SYT13: variants seen among roughly 807,000 people sequenced by gnomAD.
The protein encoded by SYT13 is synaptotagmin-13.
A neutral mutation model predicts 38.6 loss-of-function variants in SYT13; 21 were observed. The ratio of observed to expected loss-of-function variants is 0.54; its 90% CI spans 0.39 to 0.78. The LOEUF (loss-of-function observed/expected upper bound fraction) is 0.78, where lower values mean the gene tolerates loss of function less well. Ranked by LOEUF, SYT13 falls within the 30% of genes least tolerant of loss-of-function variation. The probability of loss-of-function intolerance (pLI) is 0.00; values close to 1 mark genes in which losing one functional copy is unlikely to be tolerated. For synonymous variants in SYT13, 241 were observed against 237.6 expected (o/e 1.01, Z -0.13); for missense variants, 495 against 548.7 (o/e 0.90, Z 0.98).
chr11:45,271,856 C>A (rs996730649), intron 1 of SYT13, among the ~76,000 whole-genome samples: 1 of 152,142 alleles, frequency 6.6e-6, no homozygotes, highest in African/African-American at 2.4e-5. Flanking sequence ...TCAACTATAA[C>A]TTCTCAGGCT....
chr11:45,263,872 T>G (rs1854849261), intron 1 of SYT13, among the ~76,000 whole-genome samples: 1 of 152,152 alleles, frequency 6.6e-6, no homozygotes, highest in Admixed American at 6.5e-5. Flanking sequence ...ATCTGTAAAA[T>G]GGGGATGCTA....
intron 1 of SYT13, among the ~76,000 whole-genome samples, chr11:45,266,064 G>T (rs1177704351): frequency 6.6e-6 from 1 of 152,076 alleles, no homozygotes; most frequent in Non-Finnish European, 1.5e-5. Context: ...AATAAAAATA[G>T]AGAGAGAGAT....
At chr11:45,266,380 T>C (rs945503264) in intron 1 of SYT13, among the ~76,000 whole-genome samples, 1 of 152,202 alleles carries the variant, frequency 6.6e-6, no homozygotes, top group Non-Finnish European at 1.5e-5. Context: ...AGTCTTTGTA[T>C]TTGATTCCAT....
rs560853765 is a variant in SYT13 at position 45,246,981 on chromosome 11, A to G, written c.847-469T>C. 8.5e-5 allele frequency among the ~76,000 whole-genome samples: 13 copies of G among 152,248 alleles called. No individual in the cohort carries two copies. The South Asian group carries it at 2.7e-3, about 32-fold the overall frequency. On this transcript the variant is annotated intron_variant, in intron 4 of 5. Coordinates refer to ENST00000020926, the MANE Select transcript of SYT13 (RefSeq NM_020826.3). ...GTAATTCATTACTATGTTTGAAAAGATAGTTCTTTCCAGCTCCAGGAGGTT... is the reference window on the plus strand; with the variant it reads ...GTAATTCATTACTATGTTTGAAAAGGTAGTTCTTTCCAGCTCCAGGAGGTT...
chr11:45,245,677 C>T (rs911275358), intron 5 of SYT13, among the ~76,000 whole-genome samples: 4 of 152,214 alleles, frequency 2.6e-5, no homozygotes, highest in African/African-American at 9.6e-5. Context: ...TATAGGAGAG[C>T]TTGTTTTGGT....
intron 2 of SYT13, among the ~76,000 whole-genome samples, chr11:45,255,421 A>G (rs1054717771): frequency 7.9e-5 from 12 of 152,198 alleles, no homozygotes; most frequent in Non-Finnish European, 1.3e-4. Context: ...ATAGTTGCAC[A>G]CATATGACTA....
At chr11:45,255,087 G>T (rs1854727918) in intron 2 of SYT13, among the ~76,000 whole-genome samples, 1 of 152,050 alleles carries the variant, frequency 6.6e-6, no homozygotes, top group South Asian at 2.1e-4. Context: ...CTGAACTCCA[G>T]CCTGGGAGAC....
At chr11:45,264,061 A>G (rs1854852336) in intron 1 of SYT13, among the ~76,000 whole-genome samples, 1 of 152,174 alleles carries the variant, frequency 6.6e-6, no homozygotes, top group African/African-American at 2.4e-5. Flanking sequence ...CAGTTGATGA[A>G]CTACTTTTTG....
At chr11:45,267,841 C>T (rs967176802) in intron 1 of SYT13, among the ~76,000 whole-genome samples, 1 of 152,150 alleles carries the variant, frequency 6.6e-6, no homozygotes, top group East Asian at 1.9e-4. Flanking sequence ...GCTTGGCTTC[C>T]AGTCCAGGCG....
intron 1 of SYT13, among the ~76,000 whole-genome samples, chr11:45,274,381 TAGTA>T (rs1418124631): frequency 4.6e-5 from 7 of 152,296 alleles, no homozygotes; most frequent in South Asian, 4.1e-4. Context: ...CTCCATTTGT[TAGTA>T]AGTAAGAGAC....
At chr11:45,246,284 C>G (rs1854612869) in intron 5 of SYT13, 99 bp downstream of exon 5, 15 of 1,520,080 alleles carry the variant, frequency 9.9e-6, no homozygotes. Context: ...ATTCCACCTC[C>G]CTGCTTACCT....
intron 1 of SYT13, among the ~76,000 whole-genome samples, chr11:45,260,305 T>A (rs981785800): frequency 2.6e-5 from 4 of 152,234 alleles, no homozygotes; most frequent in African/African-American, 9.6e-5. Context: ...TGATTACCTA[T>A]CTCCTTCTCT....
chr11:45,276,672 C>T (rs7109158), intron 1 of SYT13, among the ~76,000 whole-genome samples: 12,375 of 148,490 alleles, frequency 0.083, 1,344 homozygotes, highest in African/African-American at 0.25. Context: ...CAGAAAATAC[C>T]GCAAAGAGAT....
Position 45,259,865 on chromosome 11 carries a change from G to A in SYT13, c.184-3974C>T, listed in dbSNP as rs372456401. Among the ~76,000 whole-genome samples the A allele has an allele frequency of 6.5e-4, 99 of 152,342 alleles. 1 individual carries two copies. The South Asian group carries it at 0.019, about 29-fold the overall frequency. On this transcript the variant is annotated intron_variant, in intron 1 of 5. Coordinates refer to ENST00000020926, the MANE Select transcript of SYT13 (RefSeq NM_020826.3). ...TGAGTCAGCCTTGGGGCAGCAGAGTGGAGAGACAGAAAGAACCTGTGTCCT... is the reference window on the plus strand; with the variant it reads ...TGAGTCAGCCTTGGGGCAGCAGAGTAGAGAGACAGAAAGAACCTGTGTCCT...
At chr11:45,257,949 G>A (rs541861923) in intron 1 of SYT13, among the ~76,000 whole-genome samples, 4 of 152,206 alleles carry the variant, frequency 2.6e-5, no homozygotes, top group Admixed American at 6.5e-5. Context: ...ACTGAGGCTC[G>A]GAGAGATAAG....
chr11:45,285,888 C>T, intron 1 of SYT13, 137 bp downstream of exon 1: 2 of 1,187,456 alleles, frequency 1.7e-6, no homozygotes, highest in East Asian at 2.5e-5. Context: ...ACCTGTCCTC[C>T]AACGCGTCTG....
intron 4 of SYT13, among the ~76,000 whole-genome samples, chr11:45,251,535 T>C (rs1854675136): frequency 6.6e-6 from 1 of 152,124 alleles, no homozygotes; most frequent in Non-Finnish European, 1.5e-5. Context: ...TAGATCAGTA[T>C]AGCACTGCCA....
intron 1 of SYT13, chr11:45,258,284 G>A (rs1854772835): frequency 6.6e-6 from 1 of 152,192 alleles, no homozygotes; most frequent in South Asian, 2.1e-4. Flanking sequence ...GTCACCCTGG[G>A]AGGGACATGT....
chr11:45,286,233 G>T lies in SYT13; in HGVS notation c.-26C>A, dbSNP rs1482457575. On this transcript the variant is annotated 5_prime_UTR_variant, in exon 1 of 6. Coordinates refer to ENST00000020926, the MANE Select transcript of SYT13 (RefSeq NM_020826.3). ...GGTGCCCGCTCCCGGCGAGGGGCTG[G>T]GTCCCGCAGCCGCTCACCTTCCCCG... The T allele has an allele frequency of 2.0e-6, 3 of 1,516,234 alleles. No homozygotes were observed. The highest frequency in any genetic ancestry group is 2.6e-6 in the Non-Finnish European group (3 of 1,134,344). The allele number at this position is 1,516,234 out of a possible 1,614,324, so 93.9% of individuals were successfully genotyped here.
Sources: gnomAD v4.1 joint callset for allele counts (sites outside exome capture counted in the v4.1 genomes callset) on GRCh38, gnomAD v4.1.1 for gene constraint, MANE v1.5 for transcripts, NCBI Gene and HGNC (gene_info 2026-07-23, HGNC 2026-07-21) for gene names.